ANKS1A: variants seen among roughly 807,000 people sequenced by gnomAD.
The protein encoded by ANKS1A is ankyrin repeat and SAM domain-containing protein 1A.
Under a neutral mutation model 120.3 loss-of-function variants are expected in ANKS1A, and 55 were observed. The ratio of observed to expected loss-of-function variants is 0.46; its 90% CI spans 0.37 to 0.57. ANKS1A has a LOEUF of 0.57. Among genes scored for constraint, ANKS1A ranks in the 20% least tolerant of loss-of-function variants. The pLI, the probability that ANKS1A is intolerant of heterozygous loss-of-function variation, is 0.00. For synonymous variants in ANKS1A, 590 were observed against 604.7 expected, an observed-to-expected ratio of 0.98 and a Z score of 0.36; for missense variants, 1,123 against 1,480.3, an observed-to-expected ratio of 0.76 and a Z score of 3.96.
At position 35,044,213 on chromosome 6, in the gene ANKS1A, C is replaced by T. The variant is rs989535964; in HGVS notation, c.2011-9886C>T. 6.6e-6 allele frequency among the ~76,000 whole-genome samples: 1 copy of T among 152,234 alleles called. No individual in the cohort carries two copies. Among genetic ancestry groups the T allele is most frequent in the Non-Finnish European group, 1.5e-5 (1 of 68,038 alleles). Reference sequence around the variant, plus strand: ...TGCCCAGTGTGGACATAGCCGTCCGCTGGCATCACTTACTGAGGGACAGGG... The same window carrying T: ...TGCCCAGTGTGGACATAGCCGTCCGTTGGCATCACTTACTGAGGGACAGGG... On this transcript the variant is annotated intron_variant, in intron 11 of 23. Transcript: ENST00000360359. This position sits in a 1 kb window ranked among gnomAD's most constrained non-coding sequence, Gnocchi z 4.4.
At chr6:34,969,374 C>T (rs1771067514) in intron 2 of ANKS1A, among the ~76,000 whole-genome samples, 1 of 152,182 alleles carries the variant, frequency 6.6e-6, no homozygotes, top group African/African-American at 2.4e-5. Context: ...CCTGCTTCAC[C>T]CTCCCAAGTA....
chr6:34,988,925 A>T (rs1772359493), intron 8 of ANKS1A, among the ~76,000 whole-genome samples: 1 of 152,148 alleles, frequency 6.6e-6, no homozygotes, highest in Non-Finnish European at 1.5e-5. Flanking sequence ...TTATGAAGGA[A>T]ATTTTCTAAC....
chr6:35,054,173 A>G lies in ANKS1A; in HGVS notation c.2077+8A>G, dbSNP rs1395082722. ...AACGGCAGAAGATCTCAGGTACCGT[A>G]CTAAGTGGCCATTTTCCCCACAGAA... is the stretch of plus-strand genomic sequence containing the variant. On this transcript the variant is annotated splice_region_variant and intron_variant, in intron 12 of 23. Transcript: ENST00000360359. 26 of 1,613,466 alleles carry G rather than the reference A, an allele frequency of 1.6e-5. No individual in the cohort carries two copies. Among genetic ancestry groups the G allele is most frequent in the Non-Finnish European group, 2.2e-5 (26 of 1,179,550 alleles).
chr6:35,076,661 C>T (rs1158734892), intron 13 of ANKS1A, among the ~76,000 whole-genome samples: 1 of 152,154 alleles, frequency 6.6e-6, no homozygotes, highest in Non-Finnish European at 1.5e-5. Flanking sequence ...TGGAATCTTA[C>T]CCTGTCGCCC....
chr6:34,934,996 T>G (rs1769178608), intron 1 of ANKS1A, among the ~76,000 whole-genome samples: 1 of 152,272 alleles, frequency 6.6e-6, no homozygotes, highest in South Asian at 2.1e-4. Context: ...TCATATTTAC[T>G]CTAATGTAAG....
intron 12 of ANKS1A, among the ~76,000 whole-genome samples, chr6:35,059,187 C>T (rs1776355202): frequency 6.6e-6 from 1 of 152,256 alleles, no homozygotes; most frequent in Non-Finnish European, 1.5e-5. Context: ...TGCCCAGCCC[C>T]TGAAAACCAG....
chr6:34,976,266 A>G (rs375027915), intron 3 of ANKS1A, among the ~76,000 whole-genome samples: 28 of 152,180 alleles, frequency 1.8e-4, no homozygotes, highest in Middle Eastern at 3.4e-3. Flanking sequence ...GCTAAGTTCT[A>G]TCAGGCACCT....
In ANKS1A at chr6:35,004,426, C is replaced by A. The variant is rs555572096; in HGVS notation, c.1423+10004C>A. 2.6e-5 allele frequency among the ~76,000 whole-genome samples: 4 copies of A among 152,116 alleles called. No individual in the cohort carries two copies. The East Asian group carries it at 5.8e-4, about 22-fold the overall frequency. Reference sequence around the variant, plus strand: ...TCACTTGAGCCCAGGAGCTGGAGACCAGCCAGAACAACATAGCAAGACCCC... The same window carrying A: ...TCACTTGAGCCCAGGAGCTGGAGACAAGCCAGAACAACATAGCAAGACCCC... On this transcript the variant is annotated intron_variant, in intron 10 of 23. Coordinates refer to ENST00000360359, the MANE Select transcript of ANKS1A (RefSeq NM_015245.3).
intron 10 of ANKS1A, among the ~76,000 whole-genome samples, chr6:35,001,580 C>A (rs1773168548): frequency 6.6e-6 from 1 of 152,266 alleles, no homozygotes; most frequent in Admixed American, 6.5e-5. Flanking sequence ...TTCCATCTCC[C>A]AACACTAGGT....
In ANKS1A at chr6:35,017,759, A is replaced by C; in HGVS notation, c.1710A>C (p.Thr570=). The change falls in exon 11 of 24, where the codon ACA becomes ACC. Residue 570 remains threonine, a synonymous_variant. Coordinates refer to ENST00000360359, the MANE Select transcript of ANKS1A (RefSeq NM_015245.3). The part of the protein sequence containing the change: ...LDQSKRVGYL[T]GLPTTNSRSH... ...AGAGCAAGAGAGTGGGCTACCTCAC[A>C]GGCCTGCCCACCACCAACAGCCGCT... The C allele has an allele frequency of 6.2e-7, 1 of 1,614,134 alleles. No individual in the cohort carries two copies. The highest frequency in any genetic ancestry group is 8.5e-7 in the Non-Finnish European group (1 of 1,180,028).
intron 10 of ANKS1A, among the ~76,000 whole-genome samples, chr6:34,997,900 A>G (rs1409681589): frequency 6.6e-6 from 1 of 152,222 alleles, no homozygotes; most frequent in Admixed American, 6.5e-5. Context: ...TTGGCTACAC[A>G]TCTGGTCCTC....
At chr6:34,996,846 GTTAA>G (rs1364098588) in intron 10 of ANKS1A, among the ~76,000 whole-genome samples, 1 of 152,120 alleles carries the variant, frequency 6.6e-6, no homozygotes, top group Non-Finnish European at 1.5e-5. Flanking sequence ...TCAATTGTGA[GTTAA>G]TTTTTATATA....
At chr6:34,890,665 C>T (rs1766772370) in intron 1 of ANKS1A, among the ~76,000 whole-genome samples, 1 of 152,156 alleles carries the variant, frequency 6.6e-6, no homozygotes, top group Non-Finnish European at 1.5e-5. Flanking sequence ...GGAAAAACAT[C>T]AGTTTTGTGT....
intron 9 of ANKS1A, 136 bp downstream of exon 9, chr6:34,989,452 A>G: frequency 1.3e-6 from 1 of 791,004 alleles, no homozygotes; most frequent in Non-Finnish European, 2.1e-6. Flanking sequence ...TATGTGTACT[A>G]GTAATCTGGA....
At position 35,084,065 on chromosome 6, in the gene ANKS1A, G is replaced by C; in HGVS notation, c.2995-56G>C. 6.2e-7 allele frequency: 1 copy of C among 1,604,862 alleles called. No homozygotes were observed. The highest frequency in any genetic ancestry group is 8.5e-7 in the Non-Finnish European group (1 of 1,174,340). ...GACAATGGTAACAGGCTGGGGCAGG[G>C]GGTGCCAGAGGCATGCCTGAGCCTG... is the stretch of plus-strand genomic sequence containing the variant. On this transcript the variant is annotated intron_variant, in intron 20 of 23. Coordinates refer to ENST00000360359, the MANE Select transcript of ANKS1A (RefSeq NM_015245.3). This position sits in a 1 kb window ranked among gnomAD's most constrained non-coding sequence, Gnocchi z 4.8.
chr6:35,095,557 A>AC (rs60800284), downstream of ANKS1A, among the ~76,000 whole-genome samples: 4 of 78,200 alleles, frequency 5.1e-5, no homozygotes, highest in African/African-American at 1.4e-4. Flanking sequence ...ACTGTGTCAC[A>AC]AAAAAAAAAA....
intron 11 of ANKS1A, among the ~76,000 whole-genome samples, chr6:35,034,373 C>T (rs905810708): frequency 8.5e-5 from 13 of 152,312 alleles, no homozygotes; most frequent in African/African-American, 3.1e-4. Context: ...ATCCCACAGT[C>T]ACTAGCCCCA....
intron 1 of ANKS1A, among the ~76,000 whole-genome samples, chr6:34,904,057 G>A (rs868426139): frequency 2.0e-5 from 3 of 152,102 alleles, no homozygotes; most frequent in East Asian, 1.9e-4. Context: ...GAATACAGTC[G>A]TCCCTCAGTC....
At position 35,060,505 on chromosome 6, in the gene ANKS1A, A is replaced by G. The variant is rs1776443221; in HGVS notation, c.2184+252A>G. On this transcript the variant is annotated intron_variant, in intron 13 of 23. Transcript: ENST00000360359. This position sits in a 1 kb window ranked among gnomAD's most constrained non-coding sequence, Gnocchi z 4.5. ...TTTGCAGATCTGCTTCCCAAGAAGG[A>G]GGGTCCCTGATTCAGCCCTGTGTCC... 6.6e-6 allele frequency among the ~76,000 whole-genome samples: 1 copy of G among 152,168 alleles called. No homozygotes were observed. The highest frequency in any genetic ancestry group is 2.4e-5 in the African/African-American group (1 of 41,444).
Sources: allele counts gnomAD v4.1 joint callset (sites outside exome capture counted in the v4.1 genomes callset), GRCh38; gene constraint gnomAD v4.1.1; non-coding constraint Gnocchi (gnomAD v3.1); transcripts MANE v1.5; gene names NCBI Gene and HGNC (gene_info 2026-07-23, HGNC 2026-07-21).